ARMC12: variants seen among roughly 807,000 people sequenced by gnomAD.
The protein encoded by ARMC12 is armadillo repeat-containing protein 12.
Under a neutral mutation model 37.4 loss-of-function variants are expected in ARMC12, and 25 were observed. The observed-to-expected ratio is 0.67, with a 90% CI of 0.49 to 0.93. The LOEUF (loss-of-function observed/expected upper bound fraction) is 0.93. Ranked by LOEUF, ARMC12 falls within the 40% of genes least tolerant of loss-of-function variation. The probability of loss-of-function intolerance (pLI) is 0.00; values close to 1 mark genes in which losing one functional copy is unlikely to be tolerated. For missense variants in ARMC12, 384 were observed against 426.6 expected (o/e 0.90, Z 0.88); for synonymous variants, 167 against 176.1 (o/e 0.95, Z 0.41).
At chr6:35,743,206 A>G (rs1767228089) in intron 3 of ARMC12, among the ~76,000 whole-genome samples, 1 of 150,320 alleles carries the variant, frequency 6.7e-6, no homozygotes, top group East Asian at 1.9e-4. Context: ...CTCTAGGTCC[A>G]AGCATCTTAC....
chr6:35,733,218 G>A (rs1766876298), upstream of ARMC12, among the ~76,000 whole-genome samples: 1 of 152,130 alleles, frequency 6.6e-6, no homozygotes, highest in African/African-American at 2.4e-5. Flanking sequence ...CAGCGTGAGA[G>A]GTAGTGGGTA....
At chr6:35,734,928 A>T (rs1766921864), upstream of ARMC12, among the ~76,000 whole-genome samples, 2 of 152,226 alleles carry the variant, frequency 1.3e-5, no homozygotes, top group African/African-American at 4.8e-5. Context: ...ACTAGTAAAA[A>T]TGTCACTCTA....
chr6:35,742,519 A>AAAAAAC, intron 3 of ARMC12, among the ~76,000 whole-genome samples: 1 of 150,962 alleles, frequency 6.6e-6, no homozygotes, highest in Non-Finnish European at 1.5e-5. Context: ...AAAAAAAAAA[A>AAAAAAC]AGCCCAGGGA....
chr6:35,744,083 A>C (rs548960892), intron 3 of ARMC12, among the ~76,000 whole-genome samples: 1 of 152,352 alleles, frequency 6.6e-6, no homozygotes, highest in African/African-American at 2.4e-5. Context: ...CATTTGCTCC[A>C]TGAAAGATCC....
chr6:35,738,296 G>GGTT, intron 2 of ARMC12, 88 bp from the exon 3 acceptor site: 1 of 1,394,722 alleles, frequency 7.2e-7, no homozygotes. Flanking sequence ...TGGGGGGGGG[G>GGTT]TGTGCGGAGG....
chr6:35,748,394 TA>T (rs749355339), intron 5 of ARMC12, 143 bp from the exon 6 acceptor site: 1 of 558,278 alleles, frequency 1.8e-6, no homozygotes, highest in Non-Finnish European at 2.7e-6. Context: ...AGGATAATAA[TA>T]AAAGAAAAAC....
chr6:35,745,012 A>G (rs1022773472), intron 3 of ARMC12, among the ~76,000 whole-genome samples: 1 of 152,212 alleles, frequency 6.6e-6, no homozygotes, highest in African/African-American at 2.4e-5. Context: ...TCTTTCATAT[A>G]TTGCTGGTGG....
chr6:35,737,967 A>G (rs931754902), intron 1 of ARMC12, 60 bp from the exon 2 acceptor site: 57 of 1,602,832 alleles, frequency 3.6e-5, no homozygotes, highest in Admixed American at 5.0e-5. Flanking sequence ...CTACTTCCCA[A>G]CCCCATTCTT....
rs1554141457 is a variant in ARMC12, at chr6:35,738,294, G to GC, written c.310-90_310-89insC. On this transcript the variant is annotated intron_variant, in intron 2 of 5. Transcript: ENST00000373866. ...TCTCTGGCTGATAGCGGTGGGGGGG[G>GC]GGTGTGCGGAGGGATCTTGGTGACA... is the stretch of plus-strand genomic sequence containing the variant. The GC allele has an allele frequency of 1.8e-5, 26 of 1,429,926 alleles. No homozygotes were observed. The East Asian group carries it at 2.6e-4, about 14-fold the overall frequency. 88.6% of individuals were successfully genotyped at this position (1,429,926 alleles called of 1,614,324 possible).
intron 3 of ARMC12, among the ~76,000 whole-genome samples, chr6:35,739,318 A>G (rs1022575342): frequency 3.9e-5 from 6 of 152,206 alleles, no homozygotes; most frequent in Non-Finnish European, 5.9e-5. Context: ...TCTAAGCTAT[A>G]TGTCTATGTG....
In ARMC12 at chr6:35,748,521, C is replaced by T; in HGVS notation, c.691-17C>T. 3 of 1,460,632 alleles carry T rather than the reference C, an allele frequency of 2.1e-6. No homozygotes were observed. The highest frequency in any genetic ancestry group is 1.5e-5 in the South Asian group (1 of 65,110). 90.5% of individuals were successfully genotyped at this position (1,460,632 alleles called of 1,614,324 possible). ...GCCTAGGAGTTTATTCCCATTCTTT[C>T]TCTATTCCCATCACAGGTTCACTCC... On this transcript the variant is annotated splice_polypyrimidine_tract_variant and intron_variant, in intron 5 of 5. Coordinates refer to ENST00000373866, the MANE Select transcript of ARMC12 (RefSeq NM_001286574.2).
chr6:35,742,645 C>A (rs1159349826), intron 3 of ARMC12, among the ~76,000 whole-genome samples: 1 of 152,080 alleles, frequency 6.6e-6, no homozygotes, highest in Non-Finnish European at 1.5e-5. Context: ...GAGGGCCTGA[C>A]CCCTGGTCTC....
upstream of ARMC12, among the ~76,000 whole-genome samples, chr6:35,734,416 C>A (rs928542996): frequency 6.6e-6 from 1 of 152,200 alleles, no homozygotes; most frequent in Non-Finnish European, 1.5e-5. Context: ...CTCGCCTCAG[C>A]CTCCCAAAGT....
At chr6:35,731,534 C>A in the ARMC12 span, among the ~76,000 whole-genome samples, 10 of 152,050 alleles carry the variant, frequency 6.6e-5, no homozygotes, top group African/African-American at 9.7e-5. Flanking sequence ...CTCTCTCCAT[C>A]GTCTCCTGGT....
chr6:35,742,644 A>AC (rs1047534546), intron 3 of ARMC12, among the ~76,000 whole-genome samples: 1 of 151,696 alleles, frequency 6.6e-6, no homozygotes, highest in Non-Finnish European at 1.5e-5. Context: ...TGAGGGCCTG[A>AC]CCCCTGGTCT....
intron 3 of ARMC12, among the ~76,000 whole-genome samples, chr6:35,745,254 A>G (rs2766545): frequency 0.59 from 89,469 of 152,064 alleles, 27,810 homozygotes; most frequent in African/African-American, 0.81. Context: ...GTTAAACAAA[A>G]TGGTATAGCC....
upstream of ARMC12, among the ~76,000 whole-genome samples, chr6:35,732,051 G>A (rs995740319): frequency 2.0e-5 from 3 of 152,212 alleles, no homozygotes; most frequent in East Asian, 5.8e-4. Context: ...GATGCGCGCG[G>A]GGGGAGGAGG....
chr6:35,734,757 G>T (rs551408044), upstream of ARMC12, among the ~76,000 whole-genome samples: 1 of 151,202 alleles, frequency 6.6e-6, no homozygotes, highest in South Asian at 2.1e-4. Context: ...AGCCAACATC[G>T]CACCACTGCG....
chr6:35,748,813 G>A lies in ARMC12; in HGVS notation c.966G>A (p.Leu322=). ...VIVSLQYPQD[L]RARPSSCQPS... ...TCAGCCTGCAGTATCCCCAGGACTT[G>A]AGAGCCCGGCCCTCCTCCTGCCAGC... Residue 322 remains leucine, a synonymous_variant, in exon 6 of 6, where the codon TTG becomes TTA. Coordinates refer to ENST00000373866, the MANE Select transcript of ARMC12 (RefSeq NM_001286574.2). 2 of 1,614,176 alleles carry A rather than the reference G, an allele frequency of 1.2e-6. No homozygotes were observed. Among genetic ancestry groups the A allele is most frequent in the Non-Finnish European group, 1.7e-6 (2 of 1,180,026 alleles).
Sources: allele counts gnomAD v4.1 joint callset (sites outside exome capture counted in the v4.1 genomes callset), GRCh38; gene constraint gnomAD v4.1.1; transcripts MANE v1.5; gene names NCBI Gene and HGNC (gene_info 2026-07-23, HGNC 2026-07-21).